C8orf34: variants seen among roughly 807,000 people sequenced by gnomAD.
C8orf34 encodes uncharacterized protein C8orf34.
In C8orf34, 65 loss-of-function variants were observed where a neutral mutation model predicts 68.3. The observed-to-expected ratio is 0.95, with a 90% confidence interval of 0.78 to 1.17. The LOEUF (loss-of-function observed/expected upper bound fraction) is 1.17. C8orf34 is among the 50% of genes most tolerant of loss of function. The pLI is 0.00. For synonymous variants in C8orf34, 244 were observed against 241.2 expected, an observed-to-expected ratio of 1.01 and a Z score of -0.11; for missense variants, 664 against 655.4, an observed-to-expected ratio of 1.01 and a Z score of -0.14.
intron 10 of C8orf34, among the ~76,000 whole-genome samples, chr8:68,772,086 A>G (rs781714539): frequency 1.3e-5 from 2 of 152,298 alleles, no homozygotes; most frequent in Middle Eastern, 3.4e-3. Flanking sequence ...ATGGGTTCCA[A>G]ATACCTCAGG....
chr8:68,641,665 C>T (rs976260879), intron 8 of C8orf34, among the ~76,000 whole-genome samples: 52 of 152,010 alleles, frequency 3.4e-4, no homozygotes, highest in East Asian at 1.2e-3. Context: ...GGAGAGGGGT[C>T]GATGCTTGGT....
chr8:68,389,805 G>C (rs2129620563), intron 1 of C8orf34, among the ~76,000 whole-genome samples: 1 of 152,238 alleles, frequency 6.6e-6, no homozygotes, highest in East Asian at 1.9e-4. Flanking sequence ...GAAAGCCTTA[G>C]TGAACTTATC....
At chr8:68,785,836 C>T (rs1177813300) in intron 11 of C8orf34, among the ~76,000 whole-genome samples, 1 of 152,144 alleles carries the variant, frequency 6.6e-6, no homozygotes, top group African/African-American at 2.4e-5. Context: ...ACAACCAACC[C>T]ACCACTCCAC....
In C8orf34 at chr8:68,794,941, A is replaced by G. The variant is rs114820988; in HGVS notation, c.1549+7405A>G. On this transcript the variant is annotated intron_variant, in intron 12 of 13. Coordinates refer to ENST00000518698, the MANE Select transcript of C8orf34 (RefSeq NM_052958.4). ...GGAGTTTGGATTTTCAGATTTTTGG[A>G]TAAGGGATACTCTGTATATGTATAT... 9.5e-3 allele frequency among the ~76,000 whole-genome samples: 1,439 copies of G among 152,250 alleles called. 18 individuals are homozygous for G. The highest frequency in any genetic ancestry group is 0.03 in the African/African-American group (1,246 of 41,528).
At chr8:68,432,755 A>G (rs144296720) in intron 1 of C8orf34, among the ~76,000 whole-genome samples, 43 of 152,258 alleles carry the variant, frequency 2.8e-4, no homozygotes, top group African/African-American at 9.4e-4. Flanking sequence ...GAAGACTCTG[A>G]CAGAAAGAGA....
intron 5 of C8orf34, among the ~76,000 whole-genome samples, chr8:68,520,608 G>A (rs1263182338): frequency 6.8e-6 from 1 of 147,036 alleles, no homozygotes; most frequent in African/African-American, 2.6e-5. Context: ...CCGCCATCAC[G>A]CCCGGCTAAT....
chr8:68,465,587 G>T (rs1454456096), intron 3 of C8orf34, among the ~76,000 whole-genome samples: 2 of 152,134 alleles, frequency 1.3e-5, no homozygotes, highest in East Asian at 3.9e-4. Context: ...TTAAGAAAAT[G>T]TGGCACATAC....
intron 1 of C8orf34, among the ~76,000 whole-genome samples, chr8:68,398,128 A>G (rs2129621143): frequency 6.6e-6 from 1 of 152,204 alleles, no homozygotes. Context: ...CATTCATGAC[A>G]TATCTTCTCA....
At chr8:68,520,225 A>G (rs72664989) in intron 5 of C8orf34, among the ~76,000 whole-genome samples, 154 of 152,330 alleles carry the variant, frequency 1.0e-3, no homozygotes, top group Non-Finnish European at 1.8e-3. Flanking sequence ...CAATATTAAG[A>G]TATCTAATTC....
intron 6 of C8orf34, among the ~76,000 whole-genome samples, chr8:68,530,242 A>G (rs187145554): frequency 6.6e-6 from 1 of 152,176 alleles, no homozygotes; most frequent in African/African-American, 2.4e-5. Context: ...ATATATTGGA[A>G]GTACTACAGT....
chr8:68,571,368 C>T (rs1271350393), intron 7 of C8orf34, among the ~76,000 whole-genome samples: 7 of 152,148 alleles, frequency 4.6e-5, no homozygotes. Flanking sequence ...ACTTTGTAGT[C>T]AAGGCAGATT....
chr8:68,645,528 G>A (rs1819142788), intron 8 of C8orf34, among the ~76,000 whole-genome samples: 2 of 152,250 alleles, frequency 1.3e-5, no homozygotes, highest in South Asian at 4.1e-4. Flanking sequence ...TGTGTTCAGT[G>A]AAACGTGTGA....
At chr8:68,542,781 A>G (rs1815744609) in intron 7 of C8orf34, among the ~76,000 whole-genome samples, 4 of 152,030 alleles carry the variant, frequency 2.6e-5, no homozygotes, top group Admixed American at 1.3e-4. Flanking sequence ...TTTTTTAAAA[A>G]CCCACCAAAA....
At position 68,645,204 on chromosome 8, in the gene C8orf34, G is replaced by C. The variant is rs74375195; in HGVS notation, c.1241+4693G>C. ...ATTTTAGGGAAAGCTCTTAAAAGCT[G>C]GGTTTTTAGCTGTGAAACGGAGTTC... is the stretch of plus-strand genomic sequence containing the variant. On this transcript the variant is annotated intron_variant, in intron 8 of 13. Coordinates refer to ENST00000518698, the MANE Select transcript of C8orf34 (RefSeq NM_052958.4). 8.2e-3 allele frequency among the ~76,000 whole-genome samples: 1,247 copies of C among 152,236 alleles called. 19 individuals carry two copies. The highest frequency in any genetic ancestry group is 0.029 in the African/African-American group (1,185 of 41,540).
At chr8:68,695,261 C>T (rs952527236) in intron 8 of C8orf34, among the ~76,000 whole-genome samples, 2 of 151,908 alleles carry the variant, frequency 1.3e-5, no homozygotes, top group African/African-American at 2.4e-5. Flanking sequence ...ATTCTCCTGC[C>T]TCAACCTACC....
At chr8:68,370,756 T>C (rs1391086941) in intron 1 of C8orf34, among the ~76,000 whole-genome samples, 2 of 152,204 alleles carry the variant, frequency 1.3e-5, no homozygotes, top group Non-Finnish European at 2.9e-5. Context: ...GCTAACACTT[T>C]ACATGAAGAA....
At chr8:68,330,731 G>A (rs73683492), upstream of C8orf34, 2,346 of 355,864 alleles carry the variant, frequency 6.6e-3, 50 homozygotes, top group African/African-American at 0.045. Flanking sequence ...CAGCCTCGGG[G>A]AGCAGCCCGG....
chr8:68,448,092 A>G (rs1811197077), intron 3 of C8orf34: 1 of 152,164 alleles, frequency 6.6e-6, no homozygotes, highest in South Asian at 2.1e-4. Flanking sequence ...TGATAAGTTC[A>G]AAACCTTAGG....
At chr8:68,692,323 T>C (rs1254122776) in intron 8 of C8orf34, among the ~76,000 whole-genome samples, 1 of 152,058 alleles carries the variant, frequency 6.6e-6, no homozygotes, top group Non-Finnish European at 1.5e-5. Context: ...GACTGTGGTA[T>C]AGGGGAAAAT....
Sources: allele counts gnomAD v4.1 joint callset (sites outside exome capture counted in the v4.1 genomes callset), GRCh38; gene constraint gnomAD v4.1.1; transcripts MANE v1.5; gene names NCBI Gene and HGNC (gene_info 2026-07-23, HGNC 2026-07-21).